RBMS3: variants seen among roughly 807,000 people sequenced by gnomAD.
The protein encoded by RBMS3 is RNA binding motif single stranded interacting protein 3, also known as RNA-binding motif, single-stranded-interacting protein 3.
Under a neutral mutation model 66.8 loss-of-function variants are expected in RBMS3, and 27 were observed. The observed-to-expected ratio is 0.40, with a 90% CI of 0.30 to 0.56. The LOEUF is 0.56. Among genes scored for constraint, RBMS3 ranks in the 20% least tolerant of loss-of-function variants. The pLI is 0.40. For synonymous variants in RBMS3, 188 were observed against 183.0 expected (o/e 1.03, Z -0.22); for missense variants, 513 against 549.5 (o/e 0.93, Z 0.66).
At chr3:29,567,305 T>C (rs1197574666) in intron 3 of RBMS3, among the ~76,000 whole-genome samples, 5 of 151,980 alleles carry the variant, frequency 3.3e-5, no homozygotes, top group Admixed American at 6.6e-5. Flanking sequence ...TTTCCAGGAG[T>C]TGATAAATGA....
intron 1 of RBMS3, among the ~76,000 whole-genome samples, chr3:29,356,669 T>C (rs1483982021): frequency 6.6e-6 from 1 of 152,200 alleles, no homozygotes; most frequent in East Asian, 1.9e-4. Flanking sequence ...AAGTTAGTAG[T>C]GTTTACACAT....
chr3:29,831,291 A>G (rs1474281058), intron 6 of RBMS3, among the ~76,000 whole-genome samples: 7 of 152,178 alleles, frequency 4.6e-5, no homozygotes. Context: ...GACTGAGTAG[A>G]AGTTAAGAGT....
intron 1 of RBMS3, among the ~76,000 whole-genome samples, chr3:29,327,715 A>G (rs2035420668): frequency 6.6e-6 from 1 of 152,200 alleles, no homozygotes; most frequent in Non-Finnish European, 1.5e-5. Flanking sequence ...AGTGGCACAT[A>G]GAGTTGCAGT....
intron 3 of RBMS3, among the ~76,000 whole-genome samples, chr3:29,516,725 G>C (rs1197425780): frequency 6.6e-6 from 1 of 152,114 alleles, no homozygotes; most frequent in African/African-American, 2.4e-5. Flanking sequence ...GCCAAGGAGA[G>C]GAACTTTTCA....
chr3:29,965,269 G>C (rs1559844678), intron 12 of RBMS3, among the ~76,000 whole-genome samples: 1 of 152,092 alleles, frequency 6.6e-6, no homozygotes, highest in East Asian at 1.9e-4. Flanking sequence ...TCAAATGGTA[G>C]TTCTACTTTT....
intron 3 of RBMS3, among the ~76,000 whole-genome samples, chr3:29,572,083 G>C (rs1432216425): frequency 6.6e-6 from 1 of 151,856 alleles, no homozygotes; most frequent in Non-Finnish European, 1.5e-5. Context: ...ATTGTTCCCT[G>C]TTGGCATATA....
At chr3:29,791,169 G>A (rs932191270) in intron 6 of RBMS3, among the ~76,000 whole-genome samples, 2 of 152,074 alleles carry the variant, frequency 1.3e-5, no homozygotes, top group Non-Finnish European at 2.9e-5. Flanking sequence ...ACATAAGTGG[G>A]GTGAACAGGT....
chr3:29,804,470 C>T (rs894717008), intron 6 of RBMS3, among the ~76,000 whole-genome samples: 4 of 151,804 alleles, frequency 2.6e-5, no homozygotes, highest in African/African-American at 9.7e-5. Context: ...CAAAAAAGAA[C>T]CCTTTATGTA....
rs376094882 is a variant in RBMS3 at position 29,850,243 on chromosome 3, G to T, written c.638-18615G>T. Among the ~76,000 whole-genome samples, 12 of 152,260 alleles carry T rather than the reference G, an allele frequency of 7.9e-5. No homozygotes were observed. In the East Asian group the frequency reaches 2.3e-3, roughly 29 times the overall value. On this transcript the variant is annotated intron_variant, in intron 6 of 14. Coordinates refer to ENST00000383767, the MANE Select transcript of RBMS3 (RefSeq NM_001003793.3). Reference sequence around the variant, plus strand: ...ATTAATGGGAACTTCTTGCTGTTCTGTTAGTTTCTTTAAGCTCCTAGGGTA... The same window carrying T: ...ATTAATGGGAACTTCTTGCTGTTCTTTTAGTTTCTTTAAGCTCCTAGGGTA...
At chr3:29,951,994 T>C (rs979109168) in intron 12 of RBMS3, among the ~76,000 whole-genome samples, 2 of 151,838 alleles carry the variant, frequency 1.3e-5, no homozygotes, top group African/African-American at 4.8e-5. Context: ...TCTTGAAATG[T>C]TGCTTTGCTA....
At chr3:29,536,033 T>G (rs544462954) in intron 3 of RBMS3, among the ~76,000 whole-genome samples, 3 of 152,168 alleles carry the variant, frequency 2.0e-5, no homozygotes, top group African/African-American at 7.2e-5. Context: ...GCTAGACATA[T>G]ATGTTACCCA....
At chr3:29,490,187 A>T (rs916870805) in intron 3 of RBMS3, among the ~76,000 whole-genome samples, 2 of 149,092 alleles carry the variant, frequency 1.3e-5, no homozygotes, top group Non-Finnish European at 3.0e-5. Context: ...TAAAATTTAA[A>T]ATTTTGAGCA....
intron 4 of RBMS3, chr3:29,642,925 G>A (rs1039920324): frequency 1.3e-5 from 2 of 152,118 alleles, no homozygotes; most frequent in Non-Finnish European, 2.9e-5. Flanking sequence ...TCCCTCAGTC[G>A]ATCCCAGAGG....
intron 1 of RBMS3, among the ~76,000 whole-genome samples, chr3:29,308,183 A>G (rs960625054): frequency 1.3e-5 from 2 of 151,914 alleles, no homozygotes; most frequent in Non-Finnish European, 2.9e-5. Context: ...AGACAAATAA[A>G]TGTTGAGTTT....
intron 1 of RBMS3, among the ~76,000 whole-genome samples, chr3:29,286,971 A>G (rs768960624): frequency 2.0e-5 from 3 of 152,126 alleles, no homozygotes; most frequent in African/African-American, 7.2e-5. Context: ...CCACAGCTGT[A>G]TGTGATTAAA....
At chr3:29,727,865 C>T (rs2053950904) in intron 4 of RBMS3, among the ~76,000 whole-genome samples, 1 of 151,988 alleles carries the variant, frequency 6.6e-6, no homozygotes, top group Admixed American at 6.6e-5. Context: ...GGGTATATAC[C>T]CAAAGGATTA....
chr3:29,930,375 G>A (rs2061087762), intron 10 of RBMS3, among the ~76,000 whole-genome samples: 1 of 151,778 alleles, frequency 6.6e-6, no homozygotes, highest in South Asian at 2.1e-4. Context: ...GCCTCCCAAA[G>A]TGCTGGGATT....
intron 1 of RBMS3, among the ~76,000 whole-genome samples, chr3:29,288,110 A>G (rs958142855): frequency 6.6e-6 from 1 of 152,012 alleles, no homozygotes; most frequent in African/African-American, 2.4e-5. Flanking sequence ...AATAGATCCT[A>G]TCATTTTGTG....
Position 29,951,228 on chromosome 3 carries a change from G to T in RBMS3, c.1098+6974G>T, listed in dbSNP as rs1695663999. On this transcript the variant is annotated intron_variant, in intron 12 of 14. Coordinates refer to ENST00000383767, the MANE Select transcript of RBMS3 (RefSeq NM_001003793.3). ...TGTGTGCTAAACATCTTAGGAGAAG[G>T]ACAAAATGAAAGACGATTTTGATTG... 3.3e-5 allele frequency among the ~76,000 whole-genome samples: 5 copies of T among 151,782 alleles called. 1 individual carries two copies. In the South Asian group the frequency reaches 8.3e-4, roughly 25 times the overall value.
Sources: allele counts gnomAD v4.1 joint callset (sites outside exome capture counted in the v4.1 genomes callset), GRCh38; gene constraint gnomAD v4.1.1; transcripts MANE v1.5; gene names NCBI Gene and HGNC (gene_info 2026-07-23, HGNC 2026-07-21).